CKAP2: variants seen among roughly 807,000 people sequenced by gnomAD.
CKAP2 encodes the protein cytoskeleton associated protein 2.
In CKAP2, 46 loss-of-function variants were observed where a neutral mutation model predicts 58.4. The observed-to-expected ratio is 0.79, with a 90% CI of 0.62 to 1.01. CKAP2 has a LOEUF of 1.01. Ranked by LOEUF, CKAP2 falls within the 50% of genes least tolerant of loss-of-function variation. CKAP2 has a pLI of 0.00. For missense variants in CKAP2, 809 were observed against 796.4 expected (o/e 1.02, Z -0.19); for synonymous variants, 293 against 280.9 (o/e 1.04, Z -0.43).
At chr13:52,460,507 C>T (rs1014150221) in intron 2 of CKAP2, among the ~76,000 whole-genome samples, 1 of 151,060 alleles carries the variant, frequency 6.6e-6, no homozygotes, top group South Asian at 2.1e-4. Flanking sequence ...TGCAGTGGCT[C>T]GATCTTGGCT....
At chr13:52,466,026 CAT>C (rs941492023) in intron 6 of CKAP2, among the ~76,000 whole-genome samples, 27 of 150,864 alleles carry the variant, frequency 1.8e-4, no homozygotes, top group Admixed American at 8.6e-4. Flanking sequence ...CATATATACA[CAT>C]ATACACATAT....
intron 1 of CKAP2, chr13:52,456,210 A>T: frequency 9.4e-7 from 1 of 1,059,886 alleles, no homozygotes; most frequent in Non-Finnish European, 1.2e-6. Flanking sequence ...CTAGTGCCTC[A>T]CTTCTACCAT....
rs79369449 is a variant in CKAP2 at position 52,466,797 on chromosome 13, C to T, written c.1476+1332C>T. ...AGTCCAGCCTGGGCAACATAGACCC[C>T]ATCTCTTAAAATTAGTGGCCAGGCA... On this transcript the variant is annotated intron_variant, in intron 6 of 8. Transcript: ENST00000258607. Among the ~76,000 whole-genome samples the T allele has an allele frequency of 7.4e-3, 1,121 of 152,074 alleles. 6 individuals are homozygous for T. Among genetic ancestry groups the T allele is most frequent in the African/African-American group, 0.017 (701 of 41,490 alleles).
chr13:52,470,944 AG>A (rs1958753464), intron 7 of CKAP2, among the ~76,000 whole-genome samples: 1 of 152,048 alleles, frequency 6.6e-6, no homozygotes, highest in Non-Finnish European at 1.5e-5. Context: ...TGGATCACGA[AG>A]TCAAGAGATC....
chr13:52,462,611 A>T, intron 5 of CKAP2, 44 bp downstream of exon 5: 1 of 1,451,786 alleles, frequency 6.9e-7, no homozygotes, highest in Non-Finnish European at 9.5e-7. Context: ...TTTGCAAATT[A>T]CCTTCATAAG....
At chr13:52,474,828 A>G in intron 8 of CKAP2, 67 bp from the exon 9 acceptor site, 1 of 1,460,874 alleles carries the variant, frequency 6.8e-7, no homozygotes, top group South Asian at 1.3e-5. Context: ...TATGGTACAT[A>G]TCATGAAAGT....
intron 2 of CKAP2, among the ~76,000 whole-genome samples, chr13:52,460,628 AT>A (rs1449622080): frequency 6.8e-6 from 1 of 146,292 alleles, no homozygotes; most frequent in Non-Finnish European, 1.5e-5. Flanking sequence ...AATTTTTTGT[AT>A]TTTTAGTAGA....
In CKAP2 at chr13:52,455,497, G is replaced by A. The variant is rs1016241878; in HGVS notation, c.-60G>A. 1 of 1,601,100 alleles carries A rather than the reference G, an allele frequency of 6.2e-7. No homozygotes were observed. On this transcript the variant is annotated 5_prime_UTR_variant, in exon 1 of 9. Coordinates refer to ENST00000258607, the MANE Select transcript of CKAP2 (RefSeq NM_018204.5). The stretch of plus-strand genomic sequence containing the variant: ...CGCGGTGCAGACTGCGGCGGCGGTG[G>A]TCTGAGGAAGTTCTATCTTGGCGCT...
intron 7 of CKAP2, among the ~76,000 whole-genome samples, chr13:52,469,585 A>T (rs1344227806): frequency 5.3e-4 from 76 of 144,156 alleles, no homozygotes; most frequent in Admixed American, 1.2e-3. Context: ...ATATTTATTT[A>T]TTTATTTATT....
intron 7 of CKAP2, among the ~76,000 whole-genome samples, chr13:52,470,217 C>T (rs566268983): frequency 7.6e-4 from 115 of 151,566 alleles, no homozygotes; most frequent in Non-Finnish European, 1.3e-3. Context: ...GCGATTCTCC[C>T]GCCTCAGCCT....
intron 6 of CKAP2, among the ~76,000 whole-genome samples, chr13:52,466,361 T>C (rs1397719513): frequency 6.6e-6 from 1 of 152,252 alleles, no homozygotes; most frequent in Non-Finnish European, 1.5e-5. Context: ...TTAAGAAAGA[T>C]CTATTCACCT....
In CKAP2 at chr13:52,473,890, T is replaced by C. The variant is rs1039874022; in HGVS notation, c.1608T>C (p.Asp536=). The change falls in exon 8 of 9, where the codon GAT becomes GAC. Residue 536 remains aspartate, a synonymous_variant. Coordinates refer to ENST00000258607, the MANE Select transcript of CKAP2 (RefSeq NM_018204.5). ...KEEVKEVSIE[D]TGVDVDPEKL... The stretch of plus-strand genomic sequence containing the variant: ...AAGTCAAAGAAGTCAGTATTGAAGA[T>C]ACAGGTGTTGATGTAGATCCAGAAA... 6.2e-7 allele frequency: 1 copy of C among 1,613,842 alleles called. No individual in the cohort carries two copies. The highest frequency in any genetic ancestry group is 8.5e-7 in the Non-Finnish European group (1 of 1,179,778).
In CKAP2 at chr13:52,456,597, A is replaced by G. The variant is rs1435605302; in HGVS notation, c.145A>G (p.Met49Val). ...TTTTGCATACAAGCAGGAAAATGAG[A>G]TGTTATCCAGGTAAGGTCAAGTTTA... ...TLFAYKQENE[M>V]LSSRDQRVVT... The change falls in exon 2 of 9, where the codon ATG becomes GTG. Residue 49 changes from methionine (M) to valine (V), a missense_variant. Met to Val is a conservative substitution (Grantham distance 21, BLOSUM62 1). Coordinates refer to ENST00000258607, the MANE Select transcript of CKAP2 (RefSeq NM_018204.5). The G allele has an allele frequency of 1.2e-6, 2 of 1,612,062 alleles. No individual in the cohort carries two copies. Among genetic ancestry groups the G allele is most frequent in the African/African-American group, 1.3e-5 (1 of 75,014 alleles).
At position 52,461,047 on chromosome 13, in the gene CKAP2, A is replaced by G. The variant is rs1958565991; in HGVS notation, c.232-11A>G. 1 of 1,600,904 alleles carries G rather than the reference A, an allele frequency of 6.2e-7. No homozygotes were observed. The highest frequency in any genetic ancestry group is 1.4e-5 in the African/African-American group (1 of 73,944). On this transcript the variant is annotated splice_polypyrimidine_tract_variant and intron_variant, in intron 3 of 8. Coordinates refer to ENST00000258607, the MANE Select transcript of CKAP2 (RefSeq NM_018204.5). ...CCTTTCCTAAACACTTTTCTTAAAT[A>G]ATTCTTTCAGGCTGATAAAGAAAAC...
intron 1 of CKAP2, 106 bp downstream of exon 1, chr13:52,455,732 G>C (rs1234237161): frequency 8.1e-7 from 1 of 1,234,620 alleles, no homozygotes; most frequent in East Asian, 3.1e-5. Flanking sequence ...CCTCTCCCCC[G>C]CTCTGTGAGA....
At chr13:52,469,645 G>A (rs1047395239) in intron 7 of CKAP2, among the ~76,000 whole-genome samples, 4 of 145,996 alleles carry the variant, frequency 2.7e-5, no homozygotes, top group Non-Finnish European at 6.0e-5. Context: ...GCCAGACTGC[G>A]GACTGCAGTG....
intron 6 of CKAP2, chr13:52,465,920 C>CATATATATACACACAT (rs1958662238): frequency 6.2e-6 from 2 of 323,000 alleles, no homozygotes; most frequent in Non-Finnish European, 1.2e-5. Flanking sequence ...TATATACACA[C>CATATATATACACACAT]ATATATATAC....
At chr13:52,458,400 G>T (rs991053375) in intron 2 of CKAP2, among the ~76,000 whole-genome samples, 1 of 152,180 alleles carries the variant, frequency 6.6e-6, no homozygotes, top group African/African-American at 2.4e-5. Flanking sequence ...AGGATGGAAT[G>T]AAATTACTAG....
Position 52,456,548 on chromosome 13 carries a change from A to G in CKAP2, c.96A>G (p.Glu32=), listed in dbSNP as rs149997663. ...FKEQRRQKLK[E]HLLRRKTLFA... is the part of the protein sequence containing the mutation. ...AGCAAAGAAGACAAAAACTCAAGGA[A>G]CATCTGTTGAGAAGAAAAACGCTTT... Residue 32 remains glutamate, a synonymous_variant, in exon 2 of 9, where the codon GAA becomes GAG. Coordinates refer to ENST00000258607, the MANE Select transcript of CKAP2 (RefSeq NM_018204.5). 3.1e-6 allele frequency: 5 copies of G among 1,613,594 alleles called. No homozygotes were observed. Among genetic ancestry groups the G allele is most frequent in the Non-Finnish European group, 4.2e-6 (5 of 1,179,804 alleles).
Sources: gnomAD v4.1 joint callset for allele counts (sites outside exome capture counted in the v4.1 genomes callset) on GRCh38, gnomAD v4.1.1 for gene constraint, MANE v1.5 for transcripts, NCBI Gene and HGNC (gene_info 2026-07-23, HGNC 2026-07-21) for gene names.